UBR2: variants seen among roughly 807,000 people sequenced by gnomAD.
UBR2 encodes the protein E3 ubiquitin-protein ligase UBR2.
In UBR2, 92 loss-of-function variants were observed where a neutral mutation model predicts 247.9. The ratio of observed to expected loss-of-function variants is 0.37; its 90% CI spans 0.31 to 0.44. The LOEUF (loss-of-function observed/expected upper bound fraction) is 0.44, where lower values mean the gene tolerates loss of function less well. Ranked by LOEUF, UBR2 falls within the 20% of genes least tolerant of loss-of-function variation. UBR2 has a pLI of 1.00. For missense variants in UBR2, 1,613 were observed against 2,112.6 expected (o/e 0.76, Z 4.64); for synonymous variants, 672 against 693.5 (o/e 0.97, Z 0.49).
At chr6:42,590,517 A>G (rs1265747286) in intron 2 of UBR2, among the ~76,000 whole-genome samples, 1 of 152,262 alleles carries the variant, frequency 6.6e-6, no homozygotes, top group East Asian at 1.9e-4. Context: ...GAAACAGTTA[A>G]GAAAAAAATA....
intron 16 of UBR2, 75 bp from the exon 17 acceptor site, chr6:42,641,507 C>T (rs538130199): frequency 4.6e-6 from 5 of 1,090,872 alleles, no homozygotes; most frequent in South Asian, 1.4e-5. Flanking sequence ...TCTCTATCGA[C>T]CAAACTTCTT....
chr6:42,583,303 A>G (rs530289599), intron 2 of UBR2, among the ~76,000 whole-genome samples: 1 of 152,222 alleles, frequency 6.6e-6, no homozygotes, highest in Non-Finnish European at 1.5e-5. Context: ...GCTGGAGTGC[A>G]ATAGCGCAGT....
chr6:42,642,323 C>T, intron 17 of UBR2, 93 bp from the exon 18 acceptor site: 1 of 802,078 alleles, frequency 1.2e-6, no homozygotes, highest in South Asian at 1.5e-5. Context: ...CACATGCACA[C>T]ATTCTTGTAC....
chr6:42,601,318 A>G (rs1156477262), intron 4 of UBR2, among the ~76,000 whole-genome samples: 1 of 152,182 alleles, frequency 6.6e-6, no homozygotes, highest in African/African-American at 2.4e-5. Flanking sequence ...CTTTCTGTAT[A>G]CAAGTGATTT....
chr6:42,678,818 G>A, intron 41 of UBR2, 149 bp downstream of exon 41: 1 of 843,924 alleles, frequency 1.2e-6, no homozygotes, highest in Non-Finnish European at 1.8e-6. Flanking sequence ...AGCATAAAAT[G>A]TATGTTTATG....
At chr6:42,632,471 A>T in intron 11 of UBR2, 81 bp from the exon 12 acceptor site, 2 of 1,300,020 alleles carry the variant, frequency 1.5e-6, no homozygotes, top group Non-Finnish European at 1.0e-6. Flanking sequence ...GAAGGAGCTA[A>T]ACAATGTTGG....
intron 4 of UBR2, 75 bp from the exon 5 acceptor site, chr6:42,603,513 A>G (rs1297336003): frequency 6.6e-6 from 9 of 1,369,402 alleles, no homozygotes; most frequent in Non-Finnish European, 7.6e-6. Flanking sequence ...ATTTTGAGGG[A>G]TGGAAGCAGA....
At chr6:42,670,579 G>GT (rs1027098929) in intron 35 of UBR2, 81 bp from the exon 36 acceptor site, 59 of 1,016,102 alleles carry the variant, frequency 5.8e-5, no homozygotes, top group Non-Finnish European at 7.8e-5. Context: ...TAGGATTGGG[G>GT]TTTTTTTAAC....
At chr6:42,646,820 T>TAGAGAGAGAG in intron 21 of UBR2, among the ~76,000 whole-genome samples, 1 of 146,630 alleles carries the variant, frequency 6.8e-6, no homozygotes, top group African/African-American at 2.6e-5. Context: ...TATATATATA[T>TAGAGAGAGAG]AGAGAGAGAG....
chr6:42,597,155 GCT>G (rs1793028689), intron 4 of UBR2, among the ~76,000 whole-genome samples: 1 of 152,242 alleles, frequency 6.6e-6, no homozygotes, highest in South Asian at 2.1e-4. Context: ...AACAGTCCAA[GCT>G]CTACTTAATT....
chr6:42,615,229 G>T lies in UBR2; in HGVS notation c.1093+51G>T, dbSNP rs767926706. The T allele has an allele frequency of 7.9e-6, 11 of 1,389,934 alleles. No homozygotes were observed. The African/African-American group carries it at 1.6e-4, about 20-fold the overall frequency. 86.1% of individuals were successfully genotyped at this position (1,389,934 alleles called of 1,614,324 possible). ...TGTAGAGGAACCTATATAAGTAATTGGGATGTGAAAGGTTTTTATCATTTG... is the reference window on the plus strand; with the variant it reads ...TGTAGAGGAACCTATATAAGTAATTTGGATGTGAAAGGTTTTTATCATTTG... On this transcript the variant is annotated intron_variant, in intron 9 of 46. Transcript: ENST00000372901.
Position 42,691,313 on chromosome 6 carries a change from G to A in UBR2, c.*140G>A. ...CAGTTTTATAGTTTCTGGTTCTGAG[G>A]ACTGATGAAAATCATCTTCCATCAG... is the stretch of plus-strand genomic sequence containing the variant. On this transcript the variant is annotated 3_prime_UTR_variant, in exon 47 of 47. Transcript: ENST00000372901. The A allele has an allele frequency of 1.7e-6, 2 of 1,183,182 alleles. No homozygotes were observed. Among genetic ancestry groups the A allele is most frequent in the Non-Finnish European group, 2.4e-6 (2 of 842,734 alleles). 73.3% of individuals were successfully genotyped at this position (1,183,182 alleles called of 1,614,324 possible). A position where few individuals can be genotyped will look rare whatever the true frequency, so the allele number is the denominator to read the frequency against.
intron 1 of UBR2, among the ~76,000 whole-genome samples, chr6:42,571,449 C>T (rs1791136205): frequency 6.6e-6 from 1 of 151,852 alleles, no homozygotes; most frequent in Non-Finnish European, 1.5e-5. Context: ...TTATTTTGGT[C>T]TTATTGCTTA....
At chr6:42,625,853 G>A (rs897635746) in intron 11 of UBR2, among the ~76,000 whole-genome samples, 5 of 144,852 alleles carry the variant, frequency 3.5e-5, no homozygotes, top group Admixed American at 7.0e-5. Context: ...TCGCTCTGTC[G>A]CCCAGGTTGG....
chr6:42,619,485 G>T, intron 11 of UBR2: 1 of 168,380 alleles, frequency 5.9e-6, no homozygotes, highest in Non-Finnish European at 1.0e-5. Context: ...TCTCTGCTGG[G>T]CGCAGTGGCT....
chr6:42,675,776 GT>G (rs945680890), intron 38 of UBR2, among the ~76,000 whole-genome samples: 1 of 152,022 alleles, frequency 6.6e-6, no homozygotes, highest in African/African-American at 2.4e-5. Context: ...CCTGGCCAAC[GT>G]GGCAAAACCT....
intron 21 of UBR2, 144 bp downstream of exon 21, chr6:42,645,734 T>C: frequency 3.8e-6 from 3 of 791,968 alleles, no homozygotes; most frequent in Non-Finnish European, 5.9e-6. Context: ...GTCACTCTTA[T>C]TATGAATAAT....
Position 42,637,873 on chromosome 6 carries a change from G to A in UBR2, c.1858+679G>A, listed in dbSNP as rs116561434. The stretch of plus-strand genomic sequence containing the variant: ...ACAGCTTTCATATTTCTTGATTCTA[G>A]GTATTCTTTTCTTGCTCGCACACTG... On this transcript the variant is annotated intron_variant, in intron 15 of 46. Coordinates refer to ENST00000372901, the MANE Select transcript of UBR2 (RefSeq NM_001363705.2). Among the ~76,000 whole-genome samples the A allele has an allele frequency of 4.5e-3, 687 of 152,196 alleles. 3 individuals are homozygous for A. Among genetic ancestry groups the A allele is most frequent in the African/African-American group, 0.014 (567 of 41,504 alleles).
intron 2 of UBR2, among the ~76,000 whole-genome samples, chr6:42,582,654 G>A (rs1464953932): frequency 6.6e-6 from 1 of 151,816 alleles, no homozygotes; most frequent in African/African-American, 2.4e-5. Flanking sequence ...GGAAGACTGT[G>A]TTTAATACAG....
Sources: gnomAD v4.1 joint callset for allele counts (sites outside exome capture counted in the v4.1 genomes callset) on GRCh38, gnomAD v4.1.1 for gene constraint, MANE v1.5 for transcripts, NCBI Gene and HGNC (gene_info 2026-07-23, HGNC 2026-07-21) for gene names.